PFKFB2: variants seen among roughly 807,000 people sequenced by gnomAD.
PFKFB2 encodes the protein 6-phosphofructo-2-kinase/fructose-2,6-biphosphatase 2.
PFKFB2 carries 53 observed loss-of-function variants against 68.0 expected under a neutral mutation model. The ratio of observed to expected loss-of-function variants is 0.78; its 90% CI spans 0.63 to 0.98. PFKFB2 has a LOEUF of 0.98. PFKFB2 is among the 50% of genes least tolerant of loss of function. The pLI, the probability that PFKFB2 is intolerant of heterozygous loss-of-function variation, is 0.00. For missense variants in PFKFB2, 451 were observed against 642.0 expected (o/e 0.70, Z 3.22); for synonymous variants, 222 against 227.6 (o/e 0.98, Z 0.22).
chr1:207,048,867 TAAC>T (rs938867302), upstream of PFKFB2: 12 of 712,376 alleles, frequency 1.7e-5, no homozygotes, highest in African/African-American at 7.1e-5. Context: ...ATTTTAATCT[TAAC>T]AAGGAATTTC....
chr1:207,071,779 A>G (rs978590608), intron 14 of PFKFB2, among the ~76,000 whole-genome samples: 1 of 152,120 alleles, frequency 6.6e-6, no homozygotes, highest in Non-Finnish European at 1.5e-5. Context: ...CTTAACCTTG[A>G]ATGTTGGCTC....
At chr1:207,055,633 T>G (rs962414451) in intron 2 of PFKFB2, among the ~76,000 whole-genome samples, 3 of 131,160 alleles carry the variant, frequency 2.3e-5, no homozygotes, top group African/African-American at 9.5e-5. Context: ...TTCTTCTCAC[T>G]TCAGTGGTTA....
At chr1:207,071,064 C>T in intron 12 of PFKFB2, 124 bp from the exon 13 acceptor site, 1 of 760,284 alleles carries the variant, frequency 1.3e-6, no homozygotes, top group South Asian at 1.7e-5. Flanking sequence ...AGGAGTTGTA[C>T]AACTCTAAGA....
intron 1 of PFKFB2, among the ~76,000 whole-genome samples, chr1:207,036,437 AC>A (rs1412069111): frequency 6.6e-6 from 1 of 152,170 alleles, no homozygotes; most frequent in Non-Finnish European, 1.5e-5. Context: ...ATGAGTAACA[AC>A]CTCAAATGGG....
upstream of PFKFB2, chr1:207,048,395 A>G (rs923813366): frequency 3.9e-5 from 6 of 153,564 alleles, no homozygotes; most frequent in Admixed American, 1.3e-4. Flanking sequence ...GCACACATTT[A>G]TAATGTCTAC....
chr1:207,051,853 TAA>T (rs1682760829), upstream of PFKFB2, among the ~76,000 whole-genome samples: 2 of 152,172 alleles, frequency 1.3e-5, no homozygotes, highest in Non-Finnish European at 2.9e-5. Flanking sequence ...GCCTCGCAAA[TAA>T]AAAGTGTTCA....
At chr1:207,044,007 A>G (rs1225504321) in intron 2 of PFKFB2, 1 of 152,626 alleles carries the variant, frequency 6.6e-6, no homozygotes, top group African/African-American at 2.4e-5. Flanking sequence ...TCCAGGTAGC[A>G]GCAGTGTATT....
At position 207,070,973 on chromosome 1, in the gene PFKFB2, C is replaced by G. The variant is rs536286053; in HGVS notation, c.1223-215C>G. 6.6e-6 allele frequency among the ~76,000 whole-genome samples: 1 copy of G among 152,032 alleles called. No homozygotes were observed. Among genetic ancestry groups the G allele is most frequent in the Non-Finnish European group, 1.5e-5 (1 of 67,988 alleles). On this transcript the variant is annotated intron_variant, in intron 12 of 14. Transcript: ENST00000367080. The surrounding 1 kb of genome is among the most constrained non-coding windows in gnomAD (Gnocchi z 4.2). ...CTACAATACTTCCTGTTTTTGCCTG[C>G]GTGGAAGGATCTAAGATGGCCTTAT...
chr1:207,050,947 C>G, upstream of PFKFB2: 1 of 1,574,806 alleles, frequency 6.3e-7, no homozygotes, highest in South Asian at 1.1e-5. Context: ...CAGCTTTGGT[C>G]CCGGCAGCCT....
intron 8 of PFKFB2, among the ~76,000 whole-genome samples, chr1:207,067,145 A>G (rs1221148000): frequency 1.3e-5 from 2 of 152,176 alleles, no homozygotes; most frequent in East Asian, 3.9e-4. Flanking sequence ...AACTGCCTCA[A>G]AAGGGGCCTA....
downstream of PFKFB2, chr1:207,078,912 A>G (rs2102292760): frequency 6.5e-7 from 1 of 1,534,688 alleles, no homozygotes; most frequent in Non-Finnish European, 9.0e-7. Flanking sequence ...GCTGCTTGGC[A>G]GTGCTGTAAT....
intron 1 of PFKFB2, 47 bp from the exon 2 acceptor site, chr1:207,054,654 C>A (rs1682863907): frequency 7.5e-7 from 1 of 1,330,890 alleles, no homozygotes; most frequent in African/African-American, 1.5e-5. Context: ...TAAGTTATGT[C>A]TTCTTTCTTC....
rs932735158 is a variant in PFKFB2, at chr1:207,070,726, C to G, written c.1222+317C>G. On this transcript the variant is annotated intron_variant, in intron 12 of 14. Coordinates refer to ENST00000367080, the MANE Select transcript of PFKFB2 (RefSeq NM_006212.2). This position sits in a 1 kb window ranked among gnomAD's most constrained non-coding sequence, Gnocchi z 4.2. ...TATTCCCAGCCTGCCACGCTGCCTACTAGGAGGGTGGTATCTTAGGAGCAG... is the reference window on the plus strand; with the variant it reads ...TATTCCCAGCCTGCCACGCTGCCTAGTAGGAGGGTGGTATCTTAGGAGCAG... 2 of 318,804 alleles carry G rather than the reference C, an allele frequency of 6.3e-6. No homozygotes were observed. Among genetic ancestry groups the G allele is most frequent in the Admixed American group, 4.8e-5 (1 of 20,926 alleles). The allele number at this position is 318,804 out of a possible 1,614,324, so 19.7% of individuals were successfully genotyped here. A position where few individuals can be genotyped will look rare whatever the true frequency, so the allele number is the denominator to read the frequency against.
intron 1 of PFKFB2, among the ~76,000 whole-genome samples, chr1:207,035,463 G>A (rs1682357356): frequency 6.6e-6 from 1 of 152,134 alleles, no homozygotes; most frequent in African/African-American, 2.4e-5. Flanking sequence ...AGACCAGCCT[G>A]GGCAACATGG....
downstream of PFKFB2, among the ~76,000 whole-genome samples, chr1:207,078,202 G>T (rs1208546548): frequency 6.6e-6 from 1 of 152,148 alleles, no homozygotes; most frequent in African/African-American, 2.4e-5. Flanking sequence ...AATGTGATTT[G>T]CCCATTTCTA....
intron 2 of PFKFB2, among the ~76,000 whole-genome samples, chr1:207,043,325 T>C (rs1476955391): frequency 6.6e-6 from 1 of 152,224 alleles, no homozygotes; most frequent in African/African-American, 2.4e-5. Flanking sequence ...ACAAACTGAT[T>C]AGATATTATT....
chr1:207,036,976 C>T (rs1486544233), intron 1 of PFKFB2, among the ~76,000 whole-genome samples: 3 of 152,198 alleles, frequency 2.0e-5, no homozygotes, highest in Non-Finnish European at 4.4e-5. Context: ...TCTCTTTGTC[C>T]TTGAGTGTAA....
Position 207,072,658 on chromosome 1 carries a change from C to G in PFKFB2, c.*287C>G. 8.3e-7 allele frequency: 1 copy of G among 1,197,942 alleles called. No homozygotes were observed. Among genetic ancestry groups the G allele is most frequent in the Middle Eastern group, 3.4e-4 (1 of 2,966 alleles). 74.2% of individuals were successfully genotyped at this position (1,197,942 alleles called of 1,614,324 possible). A position where few individuals can be genotyped will look rare whatever the true frequency, so the allele number is the denominator to read the frequency against. On this transcript the variant is annotated 3_prime_UTR_variant, in exon 15 of 15. Coordinates refer to ENST00000367080, the MANE Select transcript of PFKFB2 (RefSeq NM_006212.2). ...GATCTGGAGGAGGAGGAAAAAGATA[C>G]ACTCCCTTGGGGCTGAGCATGCCCC...
chr1:207,077,469 A>G lies in PFKFB2; in HGVS notation c.*5098A>G. The G allele has an allele frequency of 1.0e-6, 1 of 985,358 alleles. No homozygotes were observed. The allele number at this position is 985,358 out of a possible 1,614,324, so 61.0% of individuals were successfully genotyped here. On this transcript the variant is annotated 3_prime_UTR_variant, in exon 15 of 15. Coordinates refer to ENST00000367080, the MANE Select transcript of PFKFB2 (RefSeq NM_006212.2). ...TTTATTATATTGACCTAACAAGAAG[A>G]TCAACTTATGCTGGTATGGTGATGG...
Sources: gnomAD v4.1 joint callset for allele counts (sites outside exome capture counted in the v4.1 genomes callset) on GRCh38, gnomAD v4.1.1 for gene constraint, Gnocchi (gnomAD v3.1) non-coding constraint, MANE v1.5 for transcripts, NCBI Gene and HGNC (gene_info 2026-07-23, HGNC 2026-07-21) for gene names.